Variants in ERGIC1 observed in about 807,000 individuals in gnomAD.
ERGIC1 encodes endoplasmic reticulum-golgi intermediate compartment 1.
ERGIC1 carries 19 observed loss-of-function variants against 38.3 expected under a neutral mutation model. That is an observed-to-expected ratio of 0.50 (90% CI 0.35 to 0.73). ERGIC1 has a LOEUF of 0.73. Ranked by LOEUF, ERGIC1 falls within the 30% of genes least tolerant of loss-of-function variation. ERGIC1 has a pLI of 0.01. For missense variants in ERGIC1, 294 were observed against 389.2 expected (o/e 0.76, Z 2.06); for synonymous variants, 124 against 157.6 (o/e 0.79, Z 1.60).
intron 3 of ERGIC1, chr5:172,898,124 C>T: frequency 2.6e-6 from 1 of 380,394 alleles, no homozygotes; most frequent in Non-Finnish European, 4.7e-6. Flanking sequence ...GCCCTGGCCA[C>T]CCACTCTCCT....
At chr5:172,843,905 T>C (rs142120068) in intron 1 of ERGIC1, among the ~76,000 whole-genome samples, 1 of 152,206 alleles carries the variant, frequency 6.6e-6, no homozygotes, top group Non-Finnish European at 1.5e-5. Flanking sequence ...TTTGTGAGGG[T>C]GAGATGAGCT....
chr5:172,895,833 C>T (rs1291738350), intron 2 of ERGIC1, among the ~76,000 whole-genome samples: 1 of 152,034 alleles, frequency 6.6e-6, no homozygotes, highest in Non-Finnish European at 1.5e-5. Context: ...TAGCATGCAG[C>T]TCTCTGTGGG....
intron 1 of ERGIC1, among the ~76,000 whole-genome samples, chr5:172,881,176 G>A (rs1393569484): frequency 6.6e-6 from 1 of 152,172 alleles, no homozygotes; most frequent in Non-Finnish European, 1.5e-5. Context: ...GAACCTCGGA[G>A]GCGGAGGTTG....
At position 172,950,948 on chromosome 5, in the gene ERGIC1, A is replaced by G. The variant is rs190304575; in HGVS notation, c.*132A>G. 39 of 666,652 alleles carry G rather than the reference A, an allele frequency of 5.9e-5. No homozygotes were observed. Among genetic ancestry groups the G allele is most frequent in the Middle Eastern group, 8.5e-4 (2 of 2,360 alleles). The allele number at this position is 666,652 out of a possible 1,614,324, so 41.3% of individuals were successfully genotyped here. On this transcript the variant is annotated 3_prime_UTR_variant, in exon 10 of 10. Transcript: ENST00000393784. ...AAGGGTGTGTGGGAAGTGGGGGGAA[A>G]GTAGAGGATGGCTCGATGTTTTGCA...
chr5:172,920,488 A>C, intron 5 of ERGIC1: 1 of 717,212 alleles, frequency 1.4e-6, no homozygotes, highest in Non-Finnish European at 2.6e-6. Flanking sequence ...GGATGGGGTG[A>C]GGGGTATGGG....
chr5:172,920,155 CA>C (rs956451246), intron 5 of ERGIC1, among the ~76,000 whole-genome samples: 1 of 152,160 alleles, frequency 6.6e-6, no homozygotes, highest in African/African-American at 2.4e-5. Flanking sequence ...CAGCCTAGGG[CA>C]CCCTCTGCCC....
intron 1 of ERGIC1, among the ~76,000 whole-genome samples, chr5:172,861,733 C>T (rs187338507): frequency 1.4e-4 from 22 of 152,278 alleles, no homozygotes; most frequent in East Asian, 5.8e-4. Flanking sequence ...AAAGTGTACA[C>T]GGCATAGCTC....
chr5:172,932,585 T>C (rs994475176), intron 8 of ERGIC1, 49 bp downstream of exon 8: 4 of 1,572,934 alleles, frequency 2.5e-6, no homozygotes, highest in Non-Finnish European at 1.7e-6. Context: ...CGCCCTCTGC[T>C]GACGGAGAGC....
chr5:172,847,754 C>T (rs1761314061), intron 1 of ERGIC1, among the ~76,000 whole-genome samples: 1 of 152,222 alleles, frequency 6.6e-6, no homozygotes, highest in African/African-American at 2.4e-5. Context: ...ACCTCGTGGT[C>T]CACCCGCCTT....
intron 1 of ERGIC1, among the ~76,000 whole-genome samples, chr5:172,857,486 C>T (rs1761579320): frequency 6.6e-6 from 1 of 152,136 alleles, no homozygotes; most frequent in Admixed American, 6.5e-5. Flanking sequence ...AATGAACAGT[C>T]ACAGCTCTGG....
chr5:172,913,265 T>C (rs1453837428), intron 4 of ERGIC1, among the ~76,000 whole-genome samples: 1 of 152,248 alleles, frequency 6.6e-6, no homozygotes, highest in African/African-American at 2.4e-5. Flanking sequence ...TTCCACTGGC[T>C]CCAGTGATAA....
chr5:172,851,212 A>AT, intron 1 of ERGIC1, among the ~76,000 whole-genome samples: 1 of 150,478 alleles, frequency 6.6e-6, no homozygotes, highest in Non-Finnish European at 1.5e-5. Flanking sequence ...AAAAAAAAAA[A>AT]AAAAAAAATT....
intron 1 of ERGIC1, among the ~76,000 whole-genome samples, chr5:172,842,107 C>T (rs1476021152): frequency 2.0e-5 from 3 of 152,294 alleles, no homozygotes; most frequent in South Asian, 2.1e-4. Context: ...AGTGCAATGG[C>T]GCAATCTCGG....
Position 172,834,323 on chromosome 5 carries a change from G to C in ERGIC1, c.-91G>C. 8.7e-7 allele frequency: 1 copy of C among 1,144,624 alleles called. No individual in the cohort carries two copies. Among genetic ancestry groups the C allele is most frequent in the Non-Finnish European group, 1.1e-6 (1 of 926,824 alleles). 70.9% of individuals were successfully genotyped at this position (1,144,624 alleles called of 1,614,324 possible). A position where few individuals can be genotyped will look rare whatever the true frequency, so the allele number is the denominator to read the frequency against. ...CAGGGGGGCGGCCGGCGGGGGCGGGGCGGCCGGAGGAGGCGTTGGCAGCGG... is the reference window on the plus strand; with the variant it reads ...CAGGGGGGCGGCCGGCGGGGGCGGGCCGGCCGGAGGAGGCGTTGGCAGCGG... On this transcript the variant is annotated 5_prime_UTR_variant, in exon 1 of 10. Coordinates refer to ENST00000393784, the MANE Select transcript of ERGIC1 (RefSeq NM_001031711.3). This position sits in a 1 kb window ranked among gnomAD's most constrained non-coding sequence, Gnocchi z 4.1.
rs1234119554 is a variant in ERGIC1 at position 172,944,249 on chromosome 5, GTC to G, written c.766-6456_766-6455del. 1.1e-4 allele frequency among the ~76,000 whole-genome samples: 16 copies of G among 152,348 alleles called. No individual in the cohort carries two copies. The East Asian group carries it at 3.1e-3, about 29-fold the overall frequency. On this transcript the variant is annotated intron_variant, in intron 9 of 9. Transcript: ENST00000393784. ...GACGGGGAAGATCCCACCCTAGGTT[GTC>G]TCTGAGCCTTGAGGCCTGGTTGGGA...
At chr5:172,865,169 C>G (rs371877125) in intron 1 of ERGIC1, among the ~76,000 whole-genome samples, 1 of 150,616 alleles carries the variant, frequency 6.6e-6, no homozygotes, top group Non-Finnish European at 1.5e-5. Flanking sequence ...ATTCTCTTGC[C>G]TCAGTTTCCC....
chr5:172,946,922 C>T (rs533476863), intron 9 of ERGIC1, among the ~76,000 whole-genome samples: 4 of 151,854 alleles, frequency 2.6e-5, no homozygotes, highest in Non-Finnish European at 4.4e-5. Context: ...GTGGCTCACA[C>T]CTGTAATCCC....
chr5:172,882,750 C>T (rs909368864), intron 1 of ERGIC1, among the ~76,000 whole-genome samples: 6 of 152,150 alleles, frequency 3.9e-5, no homozygotes, highest in East Asian at 3.8e-4. Context: ...CCTCTTAGAG[C>T]GTCATCATCG....
rs144844076 is a variant in ERGIC1, at chr5:172,932,506, G to T, written c.612G>T (p.Arg204=). Residue 204 remains arginine (R), a synonymous_variant, in exon 8 of 10, where the codon CGG becomes CGT. Transcript: ENST00000393784. The stretch of plus-strand genomic sequence containing the variant: ...ATGAGGACAAGAGTGGCAAGCAGCG[G>T]TACTCCTACCAGTACACGGTGGCCA... ...TVYEDKSGKQ[R]YSYQYTVANK... 8.5e-3 allele frequency: 13,747 copies of T among 1,614,158 alleles called. 93 individuals are homozygous for T. Among genetic ancestry groups the T allele is most frequent in the South Asian group, 0.01 (949 of 91,074 alleles).
Sources: allele counts gnomAD v4.1 joint callset (sites outside exome capture counted in the v4.1 genomes callset), GRCh38; gene constraint gnomAD v4.1.1; non-coding constraint Gnocchi (gnomAD v3.1); transcripts MANE v1.5; gene names NCBI Gene and HGNC (gene_info 2026-07-23, HGNC 2026-07-21).